CPSF2: variants seen among roughly 807,000 people sequenced by gnomAD.
CPSF2 encodes the protein cleavage and polyadenylation specific factor 2.
A neutral mutation model predicts 84.2 loss-of-function variants in CPSF2; 51 were observed. That is an observed-to-expected ratio of 0.61 (90% CI 0.48 to 0.77). The LOEUF (loss-of-function observed/expected upper bound fraction) is 0.77. CPSF2 is among the 30% of genes least tolerant of loss of function. CPSF2 has a pLI of 0.00. For missense variants in CPSF2, 641 were observed against 929.4 expected, an observed-to-expected ratio of 0.69 and a Z score of 4.03; for synonymous variants, 286 against 311.9, an observed-to-expected ratio of 0.92 and a Z score of 0.87.
chr14:92,145,268 C>T (rs2069129223), intron 9 of CPSF2, among the ~76,000 whole-genome samples: 1 of 152,162 alleles, frequency 6.6e-6, no homozygotes, highest in South Asian at 2.1e-4. Flanking sequence ...GACTCTCACT[C>T]TGTCACCCAG....
rs999236111 is a variant in CPSF2 at position 92,166,871 on chromosome 14, A to T, written c.*5127A>T. ...ATCTATGCTAGTACCACATGTCTTC[A>T]TTACTGTAGCTTTGTAGTAACTTTT... On this transcript the variant is annotated 3_prime_UTR_variant, in exon 16 of 16. Transcript: ENST00000298875. 1 of 152,036 alleles carries T rather than the reference A, an allele frequency of 6.6e-6. No homozygotes were observed. Among genetic ancestry groups the T allele is most frequent in the African/African-American group, 2.4e-5 (1 of 41,398 alleles). 9.4% of individuals were successfully genotyped at this position (152,036 alleles called of 1,614,324 possible). A position where few individuals can be genotyped will look rare whatever the true frequency, so the allele number is the denominator to read the frequency against.
intron 2 of CPSF2, among the ~76,000 whole-genome samples, chr14:92,129,737 G>A (rs1186795559): frequency 6.6e-6 from 1 of 151,822 alleles, no homozygotes; most frequent in Non-Finnish European, 1.5e-5. Context: ...TTATTTTTTA[G>A]ATACAAAGTC....
Position 92,122,029 on chromosome 14 carries a change from C to T in CPSF2, c.-193C>T, listed in dbSNP as rs1004237410. 2 of 595,470 alleles carry T rather than the reference C, an allele frequency of 3.4e-6. No homozygotes were observed. Among genetic ancestry groups the T allele is most frequent in the Non-Finnish European group, 5.9e-6 (2 of 337,630 alleles). 36.9% of individuals were successfully genotyped at this position (595,470 alleles called of 1,614,324 possible). On this transcript the variant is annotated 5_prime_UTR_variant, in exon 1 of 16. Transcript: ENST00000298875. Reference sequence around the variant, plus strand: ...TGGGGCTTCTGCCGGCCGGTAGTCCCTGGCGCTGCTGACCCAGCATCGGCT... The same window carrying T: ...TGGGGCTTCTGCCGGCCGGTAGTCCTTGGCGCTGCTGACCCAGCATCGGCT...
At chr14:92,126,999 AGTGAG>A (rs1286827161) in intron 2 of CPSF2, among the ~76,000 whole-genome samples, 1 of 152,156 alleles carries the variant, frequency 6.6e-6, no homozygotes, top group African/African-American at 2.4e-5. Flanking sequence ...TGGTAAGGAC[AGTGAG>A]CTTATTTAAT....
intron 1 of CPSF2, among the ~76,000 whole-genome samples, chr14:92,122,540 G>T (rs1362967830): frequency 1.3e-5 from 2 of 152,228 alleles, no homozygotes; most frequent in African/African-American, 4.8e-5. Context: ...AGGTTGCTAA[G>T]CTCTGGACAC....
Position 92,170,426 on chromosome 14 carries a change from A to G in CPSF2, c.*8682A>G, listed in dbSNP as rs1595073391. On this transcript the variant is annotated 3_prime_UTR_variant, in exon 16 of 16. Transcript: ENST00000298875. Reference sequence around the variant, plus strand: ...ACTTTTTAAAAACAAGGACACTCCTACATAACCACAGTACTTAAAATCAGG... The same window carrying G: ...ACTTTTTAAAAACAAGGACACTCCTGCATAACCACAGTACTTAAAATCAGG... 1.3e-5 allele frequency: 2 copies of G among 152,322 alleles called. No homozygotes were observed. The highest frequency in any genetic ancestry group is 1.3e-4 in the Admixed American group (2 of 15,296). The allele number at this position is 152,322 out of a possible 1,614,324, so 9.4% of individuals were successfully genotyped here. A position where few individuals can be genotyped will look rare whatever the true frequency, so the allele number is the denominator to read the frequency against.
intron 13 of CPSF2, 138 bp from the exon 14 acceptor site, chr14:92,158,845 C>G: frequency 4.2e-6 from 3 of 717,162 alleles, no homozygotes; most frequent in Non-Finnish European, 6.7e-6. Context: ...CATTGCAGGT[C>G]ATTGTGGGAC....
chr14:92,148,453 C>T (rs1281902494), intron 9 of CPSF2, among the ~76,000 whole-genome samples: 1 of 152,132 alleles, frequency 6.6e-6, no homozygotes, highest in African/African-American at 2.4e-5. Context: ...CCATTTCACC[C>T]ATTGACCCCA....
chr14:92,159,185 A>G lies in CPSF2; in HGVS notation c.2024A>G (p.Gln675Arg). 6.2e-7 allele frequency: 1 copy of G among 1,614,090 alleles called. No homozygotes were observed. Among genetic ancestry groups the G allele is most frequent in the Non-Finnish European group, 8.5e-7 (1 of 1,179,968 alleles). The part of the protein sequence containing the change: ...EAPSDSSVIA[Q>R]QKAMKSLFGD... Reference sequence around the variant, plus strand: ...CCCTCAGATTCTAGCGTTATAGCACAACAAAAGGCCATGAAAAGTCTGTTC... The same window carrying G: ...CCCTCAGATTCTAGCGTTATAGCACGACAAAAGGCCATGAAAAGTCTGTTC... The change falls in exon 14 of 16, where the codon CAA becomes CGA. Residue 675 changes from glutamine (Q) to arginine (R), a missense_variant. This residue lies in a region of CPSF2 where 430 missense variants were observed against 553.6 expected (regional missense o/e 0.78). Coordinates refer to ENST00000298875, the MANE Select transcript of CPSF2 (RefSeq NM_017437.3).
intron 6 of CPSF2, among the ~76,000 whole-genome samples, chr14:92,137,772 A>G (rs995421465): frequency 2.6e-5 from 4 of 152,230 alleles, no homozygotes; most frequent in African/African-American, 9.6e-5. Context: ...GATCAAATAC[A>G]GTGTAGACAC....
chr14:92,140,791 G>A (rs890996327), intron 7 of CPSF2, among the ~76,000 whole-genome samples: 2 of 151,958 alleles, frequency 1.3e-5, no homozygotes, highest in Admixed American at 6.6e-5. Context: ...GTACAGGCCC[G>A]TAGTTCCAGC....
In CPSF2 at chr14:92,162,408, C is replaced by G. The variant is rs1401489280; in HGVS notation, c.*664C>G. The stretch of plus-strand genomic sequence containing the variant: ...TGTGGCATTTCAATGTAAATTATAA[C>G]ACCATCATTTGAGTATACATAATTC... On this transcript the variant is annotated 3_prime_UTR_variant, in exon 16 of 16. Transcript: ENST00000298875. 1 of 152,542 alleles carries G rather than the reference C, an allele frequency of 6.6e-6. No individual in the cohort carries two copies. Among genetic ancestry groups the G allele is most frequent in the Non-Finnish European group, 1.5e-5 (1 of 68,016 alleles). The allele number at this position is 152,542 out of a possible 1,614,324, so 9.4% of individuals were successfully genotyped here.
At chr14:92,137,777 A>G (rs2141460277) in intron 6 of CPSF2, among the ~76,000 whole-genome samples, 1 of 152,356 alleles carries the variant, frequency 6.6e-6, no homozygotes, top group Non-Finnish European at 1.5e-5. Context: ...AATACAGTGT[A>G]GACACAATAA....
At chr14:92,128,352 G>A (rs2068868971) in intron 2 of CPSF2, among the ~76,000 whole-genome samples, 1 of 151,706 alleles carries the variant, frequency 6.6e-6, no homozygotes, top group African/African-American at 2.4e-5. Context: ...GCGTGGTGGT[G>A]CATGCCTGTA....
At chr14:92,145,692 A>G (rs545590396) in intron 9 of CPSF2, among the ~76,000 whole-genome samples, 1 of 152,332 alleles carries the variant, frequency 6.6e-6, no homozygotes, top group East Asian at 1.9e-4. Context: ...AATTTTAATT[A>G]CTAGAAATTC....
In CPSF2 at chr14:92,166,840, C is replaced by CTA. The variant is rs896041559; in HGVS notation, c.*5102_*5103dup. On this transcript the variant is annotated 3_prime_UTR_variant, in exon 16 of 16. Coordinates refer to ENST00000298875, the MANE Select transcript of CPSF2 (RefSeq NM_017437.3). ...GGACTTGAAATTATGTTTCATTGAT[C>CTA]TATATATCTATGCTAGTACCACATG... 1 of 151,996 alleles carries CTA rather than the reference C, an allele frequency of 6.6e-6. No homozygotes were observed. Among genetic ancestry groups the CTA allele is most frequent in the Non-Finnish European group, 1.5e-5 (1 of 67,998 alleles). 9.4% of individuals were successfully genotyped at this position (151,996 alleles called of 1,614,324 possible).
chr14:92,160,042 A>G (rs1294492652), intron 14 of CPSF2, among the ~76,000 whole-genome samples: 1 of 151,974 alleles, frequency 6.6e-6, no homozygotes, highest in Non-Finnish European at 1.5e-5. Context: ...GTCTCACTGC[A>G]ACCTCCGCCT....
rs1001271457 is a variant in CPSF2 at position 92,163,804 on chromosome 14, C to T, written c.*2060C>T. On this transcript the variant is annotated 3_prime_UTR_variant, in exon 16 of 16. Transcript: ENST00000298875. ...AGTGCAATGGCACACGATCTCGGCT[C>T]ACCGCAACCTCTGCCTCCTGGGTTC... is the stretch of plus-strand genomic sequence containing the variant. 6.6e-6 allele frequency: 1 copy of T among 152,496 alleles called. No homozygotes were observed. Among genetic ancestry groups the T allele is most frequent in the Non-Finnish European group, 1.5e-5 (1 of 68,334 alleles). The allele number at this position is 152,496 out of a possible 1,614,324, so 9.4% of individuals were successfully genotyped here.
intron 7 of CPSF2, among the ~76,000 whole-genome samples, chr14:92,140,802 T>A (rs1407356675): frequency 6.6e-6 from 1 of 151,974 alleles, no homozygotes; most frequent in Non-Finnish European, 1.5e-5. Flanking sequence ...TAGTTCCAGC[T>A]GCTTGGGAGG....
Sources: gnomAD v4.1 joint callset for allele counts (sites outside exome capture counted in the v4.1 genomes callset) on GRCh38, gnomAD v4.1.1 for gene constraint, gnomAD v4.1.1 regional missense constraint, MANE v1.5 for transcripts, NCBI Gene and HGNC (gene_info 2026-07-23, HGNC 2026-07-21) for gene names.